ADGRE5: variants seen among roughly 807,000 people sequenced by gnomAD.
The protein encoded by ADGRE5 is CD97 molecule.
ADGRE5 carries 72 observed loss-of-function variants against 100.3 expected under a neutral mutation model. The observed-to-expected ratio is 0.72, with a 90% confidence interval of 0.59 to 0.87. The LOEUF is 0.87. ADGRE5 is among the 40% of genes least tolerant of loss of function. The pLI is 0.00. For missense variants in ADGRE5, 959 were observed against 1,094.7 expected (o/e 0.88, Z 1.75); for synonymous variants, 439 against 447.8 (o/e 0.98, Z 0.25).
Position 14,407,919 on chromosome 19 carries a change from A to G in ADGRE5, c.2388A>G (p.Glu796=). The change falls in exon 19 of 20, where the codon GAA becomes GAG. Residue 796 remains glutamate, a synonymous_variant. Coordinates refer to ENST00000242786, the MANE Select transcript of ADGRE5 (RefSeq NM_078481.4). ...GTCTGGGCCGGCAGGTTCGGGAAGAATACCGGAAGTGGGCCTGCCTAGTTG... is the reference window on the plus strand; with the variant it reads ...GTCTGGGCCGGCAGGTTCGGGAAGAGTACCGGAAGTGGGCCTGCCTAGTTG... ...HCLLNKKVRE[E]YRKWACLVAG... 6.2e-7 allele frequency: 1 copy of G among 1,614,078 alleles called. No individual in the cohort carries two copies. Among genetic ancestry groups the G allele is most frequent in the Non-Finnish European group, 8.5e-7 (1 of 1,180,016 alleles).
rs187343212 is a variant in ADGRE5, at chr19:14,390,173, A to G, written c.191-751A>G. Among the ~76,000 whole-genome samples, 966 of 150,928 alleles carry G rather than the reference A, an allele frequency of 6.4e-3. 5 individuals carry two copies. The highest frequency in any genetic ancestry group is 0.017 in the Middle Eastern group (5 of 288). ...AGGGAGGAAGGAAGGAAGGAAGGAA[A>G]TAAGGGAAGAATATGAAGGGGGAGA... On this transcript the variant is annotated intron_variant, in intron 3 of 19. Coordinates refer to ENST00000242786, the MANE Select transcript of ADGRE5 (RefSeq NM_078481.4).
intron 3 of ADGRE5, among the ~76,000 whole-genome samples, chr19:14,389,135 T>A (rs1325559588): frequency 1.5e-5 from 1 of 67,944 alleles, no homozygotes; most frequent in African/African-American, 6.7e-5. Flanking sequence ...CAGAATGAGA[T>A]CGTGTCTCAG....
chr19:14,407,782 G>A (rs561715958), intron 18 of ADGRE5, 126 bp from the exon 19 acceptor site: 4 of 745,444 alleles, frequency 5.4e-6, no homozygotes, highest in African/African-American at 1.7e-5. Flanking sequence ...GTGACAGGGG[G>A]ACCCGATCTC....
chr19:14,398,313 T>C (rs1240450497), intron 9 of ADGRE5, 174 bp downstream of exon 9: 1 of 629,194 alleles, frequency 1.6e-6, no homozygotes, highest in East Asian at 2.8e-5. Context: ...CCCGGACACG[T>C]GAAGACACAC....
Position 14,406,017 on chromosome 19 carries a change from G to A in ADGRE5, c.1821+78G>A. On this transcript the variant is annotated intron_variant, in intron 14 of 19. Transcript: ENST00000242786. The surrounding 1 kb of genome is among the most constrained non-coding windows in gnomAD (Gnocchi z 6.0). Reference sequence around the variant, plus strand: ...GGGGTTAGCCCCGCCCACTCCCGGGGCTCAGTCGGGTAGGCGGGCCCTGGA... The same window carrying A: ...GGGGTTAGCCCCGCCCACTCCCGGGACTCAGTCGGGTAGGCGGGCCCTGGA... 2.3e-6 allele frequency: 3 copies of A among 1,307,232 alleles called. No individual in the cohort carries two copies. The highest frequency in any genetic ancestry group is 3.1e-6 in the Non-Finnish European group (3 of 966,726). The allele number at this position is 1,307,232 out of a possible 1,614,324, so 81.0% of individuals were successfully genotyped here.
At position 14,408,444 on chromosome 19, in the gene ADGRE5, C is replaced by G; in HGVS notation, c.*323C>G. 1.8e-6 allele frequency: 1 copy of G among 562,056 alleles called. No individual in the cohort carries two copies. The highest frequency in any genetic ancestry group is 2.2e-5 in the South Asian group (1 of 46,062). 34.8% of individuals were successfully genotyped at this position (562,056 alleles called of 1,614,324 possible). ...GCCAGTACTCGGGACAGACTAAGGG[C>G]GCTTGTCCCATCCTGGACTTTTCCT... On this transcript the variant is annotated 3_prime_UTR_variant, in exon 20 of 20. Transcript: ENST00000242786.
At chr19:14,404,711 G>A (rs1346690680) in intron 13 of ADGRE5, 149 bp downstream of exon 13, 12 of 690,064 alleles carry the variant, frequency 1.7e-5, no homozygotes, top group Non-Finnish European at 2.4e-5. Flanking sequence ...CACACCCTTC[G>A]CAGCCTCTTC....
chr19:14,396,722 T>C (rs923374746), intron 5 of ADGRE5, among the ~76,000 whole-genome samples: 19 of 152,194 alleles, frequency 1.2e-4, no homozygotes, highest in Non-Finnish European at 2.8e-4. Flanking sequence ...ATCTGTCACG[T>C]GCGAGTGGAA....
intron 1 of ADGRE5, 149 bp from the exon 2 acceptor site, chr19:14,388,301 A>C: frequency 7.1e-7 from 1 of 1,414,260 alleles, no homozygotes; most frequent in Non-Finnish European, 9.6e-7. Context: ...TGAGCATCTG[A>C]GTGGGACATG....
Position 14,405,954 on chromosome 19 carries a change from C to T in ADGRE5, c.1821+15C>T, listed in dbSNP as rs766793523. 1 of 1,598,870 alleles carries T rather than the reference C, an allele frequency of 6.3e-7. No homozygotes were observed. Among genetic ancestry groups the T allele is most frequent in the East Asian group, 2.2e-5 (1 of 44,790 alleles). On this transcript the variant is annotated intron_variant, in intron 14 of 19. Coordinates refer to ENST00000242786, the MANE Select transcript of ADGRE5 (RefSeq NM_078481.4). ...AAGGCGGCCAGGTGAGGTCCCGCCCCGCTCCCTCCTGAGCTCTGGGGTCAG... is the reference window on the plus strand; with the variant it reads ...AAGGCGGCCAGGTGAGGTCCCGCCCTGCTCCCTCCTGAGCTCTGGGGTCAG...
At position 14,397,266 on chromosome 19, in the gene ADGRE5, C is replaced by A. The variant is rs913002636; in HGVS notation, c.625+43C>A. ...CACGTTTCTAGCGACCCACAAACATCTGATCACATGTTCAACGGCGCCCAC... is the reference window on the plus strand; with the variant it reads ...CACGTTTCTAGCGACCCACAAACATATGATCACATGTTCAACGGCGCCCAC... On this transcript the variant is annotated intron_variant, in intron 6 of 19. Transcript: ENST00000242786. 7 of 1,613,276 alleles carry A rather than the reference C, an allele frequency of 4.3e-6. 1 individual carries two copies. The Middle Eastern group carries it at 8.3e-4, about 190-fold the overall frequency.
chr19:14,403,663 CAA>C (rs1029213246), intron 12 of ADGRE5, among the ~76,000 whole-genome samples: 8 of 151,680 alleles, frequency 5.3e-5, no homozygotes, highest in African/African-American at 1.7e-4. Flanking sequence ...TAATTAAAAA[CAA>C]AAAAATTAAT....
chr19:14,389,457 G>A (rs1054627032), intron 3 of ADGRE5, among the ~76,000 whole-genome samples: 1 of 151,136 alleles, frequency 6.6e-6, no homozygotes, highest in Non-Finnish European at 1.5e-5. Context: ...GATAGGCCCG[G>A]CATGGTGGGT....
rs200457196 is a variant in ADGRE5, at chr19:14,397,704, C to G, written c.672C>G (p.Thr224=). 1 of 1,518,496 alleles carries G rather than the reference C, an allele frequency of 6.6e-7. No individual in the cohort carries two copies. The highest frequency in any genetic ancestry group is 1.7e-5 in the Admixed American group (1 of 57,646). 94.1% of individuals were successfully genotyped at this position (1,518,496 alleles called of 1,614,324 possible). ...SSGQHQCDSS[T]VCFNTVGSYS... Reference sequence around the variant, plus strand: ...GGCAGCATCAGTGTGACAGCTCCACCGTCTGCTTCAACACCGTGGGTTCAT... The same window carrying G: ...GGCAGCATCAGTGTGACAGCTCCACGGTCTGCTTCAACACCGTGGGTTCAT... The change falls in exon 7 of 20, where the codon ACC becomes ACG. Residue 224 remains threonine (T), a synonymous_variant. Coordinates refer to ENST00000242786, the MANE Select transcript of ADGRE5 (RefSeq NM_078481.4).
intron 4 of ADGRE5, among the ~76,000 whole-genome samples, chr19:14,395,681 G>C (rs1975751053): frequency 6.6e-6 from 1 of 152,186 alleles, no homozygotes; most frequent in Non-Finnish European, 1.5e-5. Context: ...TCAGAAAAAA[G>C]CATCTTTGTA....
Position 14,406,309 on chromosome 19 carries a change from C to T in ADGRE5, c.1822-22C>T, listed in dbSNP as rs772249220. 2 of 1,528,252 alleles carry T rather than the reference C, an allele frequency of 1.3e-6. No individual in the cohort carries two copies. Among genetic ancestry groups the T allele is most frequent in the Admixed American group, 4.0e-5 (2 of 50,612 alleles). 94.7% of individuals were successfully genotyped at this position (1,528,252 alleles called of 1,614,324 possible). ...CCCTCCCCGCGCTGACGTCGCTCCG[C>T]CCCTCCGTCCCCGCCCCGCAGGTGG... On this transcript the variant is annotated intron_variant, in intron 14 of 19. Coordinates refer to ENST00000242786, the MANE Select transcript of ADGRE5 (RefSeq NM_078481.4). This position sits in a 1 kb window ranked among gnomAD's most constrained non-coding sequence, Gnocchi z 6.0.
chr19:14,399,554 A>G (rs1200773676), intron 9 of ADGRE5, among the ~76,000 whole-genome samples: 1 of 112,372 alleles, frequency 8.9e-6, no homozygotes, highest in East Asian at 2.8e-4. Context: ...ACAGAGCGAG[A>G]CTCCGTCTCA....
At chr19:14,399,491 G>A (rs1423831379) in intron 9 of ADGRE5, among the ~76,000 whole-genome samples, 1 of 143,222 alleles carries the variant, frequency 7.0e-6, no homozygotes, top group East Asian at 2.2e-4. Flanking sequence ...GTGAACCCGG[G>A]AAGCGGAGCT....
intron 3 of ADGRE5, among the ~76,000 whole-genome samples, chr19:14,389,163 G>T (rs1975470504): frequency 8.6e-6 from 1 of 116,904 alleles, no homozygotes; most frequent in Admixed American, 8.9e-5. Flanking sequence ...GAGAGGAAGG[G>T]GAAGAGGGAG....
Sources: gnomAD v4.1 joint callset for allele counts (sites outside exome capture counted in the v4.1 genomes callset) on GRCh38, gnomAD v4.1.1 for gene constraint, Gnocchi (gnomAD v3.1) non-coding constraint, MANE v1.5 for transcripts, NCBI Gene and HGNC (gene_info 2026-07-23, HGNC 2026-07-21) for gene names.